Variants in GREB1L observed in about 807,000 individuals in gnomAD.
The protein encoded by GREB1L is GREB1 like retinoic acid receptor coactivator.
A neutral mutation model predicts 200.8 loss-of-function variants in GREB1L; 17 were observed. That is an observed-to-expected ratio of 0.08 (90% CI 0.06 to 0.13). GREB1L has a LOEUF of 0.13. GREB1L is among the 10% of genes least tolerant of loss of function. GREB1L has a pLI of 1.00. For missense variants in GREB1L, 1,657 were observed against 2,367.7 expected (o/e 0.70, Z 6.23); for synonymous variants, 789 against 893.0 (o/e 0.88, Z 2.08).
intron 2 of GREB1L, among the ~76,000 whole-genome samples, chr18:21,382,756 G>A (rs2040374589): frequency 6.6e-6 from 1 of 152,110 alleles, no homozygotes; most frequent in East Asian, 1.9e-4. Context: ...CAAAGTGCCG[G>A]GTTTACAGGC....
Position 21,500,009 on chromosome 18 carries a change from A to G in GREB1L, c.3672A>G (p.Pro1224=). ...AGCCCATCAGAGGCTGCCGGGGCCCACAGGCAGCCCTGCCACCAGTGGTGA... is the reference window on the plus strand; with the variant it reads ...AGCCCATCAGAGGCTGCCGGGGCCCGCAGGCAGCCCTGCCACCAGTGGTGA... The part of the protein sequence containing the change: ...PGQPIRGCRG[P]QAALPPVVIL... Residue 1224 remains proline, a synonymous_variant, in exon 22 of 33, where the codon CCA becomes CCG. Coordinates refer to ENST00000424526, the MANE Select transcript of GREB1L (RefSeq NM_001142966.3). 6.4e-7 allele frequency: 1 copy of G among 1,551,382 alleles called. No individual in the cohort carries two copies. The highest frequency in any genetic ancestry group is 1.2e-5 in the South Asian group (1 of 84,046).
At chr18:21,495,566 A>C in intron 19 of GREB1L, 104 bp from the exon 20 acceptor site, 1 of 683,960 alleles carries the variant, frequency 1.5e-6, no homozygotes, top group South Asian at 1.7e-5. Flanking sequence ...TTAGTGGAGT[A>C]ATTTGAAAGC....
At chr18:21,417,984 AAAAAAAAAAAG>A (rs2031803770) in intron 7 of GREB1L, among the ~76,000 whole-genome samples, 1 of 151,656 alleles carries the variant, frequency 6.6e-6, no homozygotes, top group Middle Eastern at 3.2e-3. Flanking sequence ...CCATCTCAAA[AAAAAAAAAAAG>A]AAAAGAAAAA....
rs1419695343 is a variant in GREB1L at position 21,356,011 on chromosome 18, G to A, written c.-119-10016G>A. Among the ~76,000 whole-genome samples, 5 of 136,084 alleles carry A rather than the reference G, an allele frequency of 3.7e-5. No homozygotes were observed. The South Asian group carries it at 9.4e-4, about 26-fold the overall frequency. 89.3% of individuals were successfully genotyped at this position (136,084 alleles called of 152,430 possible). ...TTTTTTTTTTTTTTTTTTTGAGATG[G>A]CGTCTCACTCTGTCGCCCAGGCTGG... is the stretch of plus-strand genomic sequence containing the variant. On this transcript the variant is annotated intron_variant, in intron 1 of 32. Coordinates refer to ENST00000424526, the MANE Select transcript of GREB1L (RefSeq NM_001142966.3).
intron 4 of GREB1L, among the ~76,000 whole-genome samples, chr18:21,391,048 AG>A (rs1271532449): frequency 2.6e-5 from 4 of 152,216 alleles, no homozygotes; most frequent in Admixed American, 1.3e-4. Flanking sequence ...TTATTATTGA[AG>A]AAAAAAACAT....
chr18:21,515,521 T>C lies in GREB1L; in HGVS notation c.5006T>C (p.Ile1669Thr), dbSNP rs1282868156. The C allele has an allele frequency of 1.3e-6, 2 of 1,551,554 alleles. No individual in the cohort carries two copies. The highest frequency in any genetic ancestry group is 2.4e-5 in the East Asian group (1 of 40,930). ...ATTGTCCACTATGCAATCTTGGGCA[T>C]ACAGAAATGGAGCAGCAAGCTGACT... ...PKIVHYAILG[I>T]QKWSSKLTSQ... Residue 1669 changes from isoleucine to threonine, a missense_variant, in exon 29 of 33, where the codon ATA becomes ACA. Around this residue, in one of 9 missense-constraint regions of GREB1L, gnomAD observed 151 missense variants for 309.6 expected, o/e 0.49. Coordinates refer to ENST00000424526, the MANE Select transcript of GREB1L (RefSeq NM_001142966.3).
At chr18:21,315,653 A>G (rs2038855899) in intron 1 of GREB1L, among the ~76,000 whole-genome samples, 1 of 152,144 alleles carries the variant, frequency 6.6e-6, no homozygotes, top group Non-Finnish European at 1.5e-5. Context: ...GGGCAAGAGG[A>G]CACAGGGAGG....
At chr18:21,397,414 A>G (rs187044517) in intron 5 of GREB1L, among the ~76,000 whole-genome samples, 1 of 151,916 alleles carries the variant, frequency 6.6e-6, no homozygotes, top group Non-Finnish European at 1.5e-5. Flanking sequence ...AGTCCCAGCT[A>G]CTTGGGAGGC....
chr18:21,243,607 A>G (rs2037545174), intron 1 of GREB1L, among the ~76,000 whole-genome samples: 1 of 152,222 alleles, frequency 6.6e-6, no homozygotes, highest in Non-Finnish European at 1.5e-5. Flanking sequence ...CCCCCTTAAT[A>G]AAACCTCTCA....
chr18:21,296,420 G>T (rs1373067466), intron 1 of GREB1L, among the ~76,000 whole-genome samples: 1 of 152,154 alleles, frequency 6.6e-6, no homozygotes, highest in Non-Finnish European at 1.5e-5. Context: ...AGACACTGGG[G>T]ACTACTGGAG....
chr18:21,402,439 TTTTC>T (rs759320765), intron 6 of GREB1L, among the ~76,000 whole-genome samples: 8 of 151,594 alleles, frequency 5.3e-5, no homozygotes, highest in African/African-American at 1.7e-4. Context: ...TTTCTTTTTC[TTTTC>T]TTTCTTTCTT....
chr18:21,354,794 G>C (rs936365336), intron 1 of GREB1L, among the ~76,000 whole-genome samples: 2 of 152,188 alleles, frequency 1.3e-5, no homozygotes, highest in Non-Finnish European at 2.9e-5. Flanking sequence ...AGCATTTAAA[G>C]GTTGATCAGT....
At chr18:21,284,086 C>G (rs2038315073) in intron 1 of GREB1L, among the ~76,000 whole-genome samples, 1 of 152,168 alleles carries the variant, frequency 6.6e-6, no homozygotes, top group Non-Finnish European at 1.5e-5. Flanking sequence ...CCTGCCACCC[C>G]CTTTGTATGT....
At chr18:21,372,150 CTTTT>C (rs1010758595) in intron 2 of GREB1L, among the ~76,000 whole-genome samples, 3 of 139,468 alleles carry the variant, frequency 2.2e-5, no homozygotes, top group East Asian at 2.1e-4. Flanking sequence ...ATTTGTCTCT[CTTTT>C]TTTTTTTTTT....
At chr18:21,401,810 A>G (rs2041328713) in intron 6 of GREB1L, 1 of 152,404 alleles carries the variant, frequency 6.6e-6, no homozygotes, top group African/African-American at 2.4e-5. Flanking sequence ...ATAAATTAGG[A>G]AGAACTTAAC....
intron 4 of GREB1L, among the ~76,000 whole-genome samples, chr18:21,392,605 G>A (rs1364185895): frequency 6.6e-6 from 1 of 151,922 alleles, no homozygotes; most frequent in Non-Finnish European, 1.5e-5. Flanking sequence ...GGATCTATAA[G>A]CTTGAAATGA....
At chr18:21,357,441 C>T (rs1456041230) in intron 1 of GREB1L, among the ~76,000 whole-genome samples, 1 of 152,164 alleles carries the variant, frequency 6.6e-6, no homozygotes, top group East Asian at 1.9e-4. Flanking sequence ...TGGCTCTTCG[C>T]CCTGTTGATT....
chr18:21,248,987 CA>C (rs1223132107), intron 1 of GREB1L, among the ~76,000 whole-genome samples: 1 of 152,020 alleles, frequency 6.6e-6, no homozygotes, highest in Non-Finnish European at 1.5e-5. Flanking sequence ...GACAAATGCA[CA>C]AAGGCATATA....
At chr18:21,458,426 G>A (rs2034879456) in intron 15 of GREB1L, among the ~76,000 whole-genome samples, 1 of 152,126 alleles carries the variant, frequency 6.6e-6, no homozygotes, top group African/African-American at 2.4e-5. Context: ...TCTGTGTCCT[G>A]GTTCCATTTG....
Sources: gnomAD v4.1 joint callset for allele counts (sites outside exome capture counted in the v4.1 genomes callset) on GRCh38, gnomAD v4.1.1 for gene constraint, gnomAD v4.1.1 regional missense constraint, MANE v1.5 for transcripts, NCBI Gene and HGNC (gene_info 2026-07-23, HGNC 2026-07-21) for gene names.